ADGRL2: variants seen among roughly 807,000 people sequenced by gnomAD.
ADGRL2 encodes the protein adhesion G protein-coupled receptor L2, also known as calcium-independent alpha-latrotoxin receptor 2.
ADGRL2 carries 44 observed loss-of-function variants against 157.4 expected under a neutral mutation model. That is an observed-to-expected ratio of 0.28 (90% CI 0.22 to 0.36). The LOEUF is 0.36. ADGRL2 is among the 10% of genes least tolerant of loss of function. The pLI is 1.00. For missense variants in ADGRL2, 1,510 were observed against 1,768.9 expected (o/e 0.85, Z 2.63); for synonymous variants, 585 against 624.7 (o/e 0.94, Z 0.95).
chr1:81,519,031 G>A (rs1371462471), intron 2 of ADGRL2, among the ~76,000 whole-genome samples: 1 of 152,142 alleles, frequency 6.6e-6, no homozygotes, highest in Admixed American at 6.5e-5. Context: ...ATTTCAGGCA[G>A]GTGGGTCATT....
intron 3 of ADGRL2, among the ~76,000 whole-genome samples, chr1:81,649,744 G>C (rs942488): frequency 0.14 from 21,521 of 152,164 alleles, 2,057 homozygotes; most frequent in Non-Finnish European, 0.21. Flanking sequence ...CAGGCTTGGA[G>C]GGGTTAAGTA....
Position 81,322,175 on chromosome 1 carries a change from TATATAC to T in ADGRL2, c.-302+15684_-302+15689del, listed in dbSNP as rs923111296. 3.3e-4 allele frequency among the ~76,000 whole-genome samples: 50 copies of T among 149,356 alleles called. No individual in the cohort carries two copies. The East Asian group carries it at 4.9e-3, about 15-fold the overall frequency. On this transcript the variant is annotated intron_variant, in intron 1 of 24. Coordinates refer to the ADGRL2 transcript ENST00000370721. ...ATATACATACACACATATGTACATG[TATATAC>T]ATATACATATACATATATATATACG...
At chr1:81,856,290 C>T (rs2093199944) in intron 2 of ADGRL2, among the ~76,000 whole-genome samples, 1 of 152,076 alleles carries the variant, frequency 6.6e-6, no homozygotes, top group Admixed American at 6.6e-5. Context: ...GTACTTCACC[C>T]AGTCTTGTGC....
chr1:81,475,547 G>A (rs2078255243), intron 2 of ADGRL2, among the ~76,000 whole-genome samples: 1 of 152,124 alleles, frequency 6.6e-6, no homozygotes, highest in Non-Finnish European at 1.5e-5. Flanking sequence ...ACCAATGTTA[G>A]CCTAAGATGT....
At chr1:81,316,972 G>A (rs1017614395) in intron 1 of ADGRL2, among the ~76,000 whole-genome samples, 4 of 152,144 alleles carry the variant, frequency 2.6e-5, no homozygotes, top group African/African-American at 9.7e-5. Context: ...TCAATGAAAA[G>A]TTAGGAAGTT....
At chr1:81,441,068 T>C (rs2077499678) in intron 1 of ADGRL2, among the ~76,000 whole-genome samples, 1 of 152,188 alleles carries the variant, frequency 6.6e-6, no homozygotes, top group Non-Finnish European at 1.5e-5. Flanking sequence ...GTTTTATTTG[T>C]GTCTTCCCTC....
chr1:81,937,584 A>T (rs1027312567), intron 4 of ADGRL2, among the ~76,000 whole-genome samples: 1 of 151,852 alleles, frequency 6.6e-6, no homozygotes, highest in Non-Finnish European at 1.5e-5. Flanking sequence ...ACAACTTAAA[A>T]GTTTGAATAT....
chr1:81,540,451 A>T (rs1260984402), intron 2 of ADGRL2, among the ~76,000 whole-genome samples: 2 of 152,248 alleles, frequency 1.3e-5, no homozygotes, highest in Admixed American at 1.3e-4. Context: ...AATACAGACA[A>T]ACAGAAAATA....
At chr1:81,720,964 T>C (rs1319822345) in intron 1 of ADGRL2, among the ~76,000 whole-genome samples, 2 of 150,698 alleles carry the variant, frequency 1.3e-5, no homozygotes, top group African/African-American at 4.9e-5. Flanking sequence ...CTATCAATTA[T>C]GTAAACCTAC....
At chr1:81,434,183 A>C (rs2077370250) in intron 1 of ADGRL2, among the ~76,000 whole-genome samples, 1 of 152,222 alleles carries the variant, frequency 6.6e-6, no homozygotes, top group African/African-American at 2.4e-5. Context: ...GAGGAGTAGT[A>C]AATAATTTGA....
chr1:81,927,359 T>G (rs1318228598), intron 3 of ADGRL2, among the ~76,000 whole-genome samples: 1 of 152,030 alleles, frequency 6.6e-6, no homozygotes, highest in Non-Finnish European at 1.5e-5. Context: ...TTGCTTATGA[T>G]TATCATTTTA....
chr1:81,966,930 AG>A (rs1657222910), intron 13 of ADGRL2, among the ~76,000 whole-genome samples: 1 of 152,202 alleles, frequency 6.6e-6, no homozygotes, highest in Non-Finnish European at 1.5e-5. Context: ...TACCTTACTT[AG>A]CAGCAGGATA....
intron 1 of ADGRL2, among the ~76,000 whole-genome samples, chr1:81,740,739 A>G (rs1372989293): frequency 1.3e-5 from 2 of 152,188 alleles, no homozygotes; most frequent in African/African-American, 4.8e-5. Context: ...TTTCTCCTCT[A>G]CATTATCTCC....
Position 81,970,405 on chromosome 1 carries a change from T to C in ADGRL2, c.2825T>C (p.Met942Thr). ...MCLEGVQLYL[M>T]LVEVFESEYS... ...CTAGAAGGTGTGCAGCTCTACCTAA[T>C]GTTAGTTGAAGTTTTTGAAAGTGAA... The change falls in exon 16 of 24, where the codon ATG (methionine) becomes ACG (threonine). Residue 942 changes from methionine (M) to threonine (T), a missense_variant. Coordinates refer to ENST00000686636, the MANE Select transcript of ADGRL2 (RefSeq NM_001366006.2). The C allele has an allele frequency of 6.4e-7, 1 of 1,569,428 alleles. No homozygotes were observed. The highest frequency in any genetic ancestry group is 8.6e-7 in the Non-Finnish European group (1 of 1,163,942).
intron 2 of ADGRL2, among the ~76,000 whole-genome samples, chr1:81,490,130 CT>C (rs59757979): frequency 0.27 from 35,648 of 132,184 alleles, 4,601 homozygotes; most frequent in African/African-American, 0.39. Context: ...TTAACATATT[CT>C]TTTTTTTTTT....
intron 2 of ADGRL2, among the ~76,000 whole-genome samples, chr1:81,475,682 G>T (rs2078258367): frequency 6.6e-6 from 1 of 152,094 alleles, no homozygotes; most frequent in South Asian, 2.1e-4. Context: ...GGGGGGAGGA[G>T]ATGGACAGAG....
intron 2 of ADGRL2, among the ~76,000 whole-genome samples, chr1:81,840,575 C>T (rs1010057594): frequency 6.6e-6 from 1 of 151,982 alleles, no homozygotes; most frequent in African/African-American, 2.4e-5. Context: ...GCTAATTATA[C>T]AAAGGTTTAA....
chr1:81,434,906 G>A (rs1257018687), intron 1 of ADGRL2, among the ~76,000 whole-genome samples: 1 of 152,120 alleles, frequency 6.6e-6, no homozygotes, highest in African/African-American at 2.4e-5. Flanking sequence ...TAAAATCTGT[G>A]AAATCAGGCA....
rs1658413482 is a variant in ADGRL2 at position 81,970,535 on chromosome 1, G to A, written c.2954+1G>A. On this transcript the variant is annotated splice_donor_variant, in intron 16 of 23. Coordinates refer to ENST00000686636, the MANE Select transcript of ADGRL2 (RefSeq NM_001366006.2). LOFTEE classifies it high-confidence loss of function. ...ATAAGAGCTATGGAACAGAAAAAGC[G>A]TAAGTAATTGCAAGCGACCTGAGTG... 1 of 1,603,864 alleles carries A rather than the reference G, an allele frequency of 6.2e-7. No individual in the cohort carries two copies. The highest frequency in any genetic ancestry group is 8.5e-7 in the Non-Finnish European group (1 of 1,175,084).
Sources: gnomAD v4.1 joint callset for allele counts (sites outside exome capture counted in the v4.1 genomes callset) on GRCh38, gnomAD v4.1.1 for gene constraint, MANE v1.5 for transcripts, NCBI Gene and HGNC (gene_info 2026-07-23, HGNC 2026-07-21) for gene names.